Variants in ADGRG2 observed in about 807,000 individuals in gnomAD.
The protein encoded by ADGRG2 is G protein-coupled receptor 64.
ADGRG2 carries 26 observed loss-of-function variants against 74.1 expected under a neutral mutation model. The ratio of observed to expected loss-of-function variants is 0.35; its 90% CI spans 0.26 to 0.49. The LOEUF is 0.49. Ranked by LOEUF, ADGRG2 falls within the 20% of genes least tolerant of loss-of-function variation. ADGRG2 has a pLI of 0.99. For missense variants in ADGRG2, 619 were observed against 763.1 expected, an observed-to-expected ratio of 0.81 and a Z score of 2.22; for synonymous variants, 296 against 295.2, an observed-to-expected ratio of 1.00 and a Z score of -0.03.
chrX:19,058,723 T>C (rs1001696761), intron 3 of ADGRG2, among the ~76,000 whole-genome samples: 8 of 112,271 alleles, frequency 7.1e-5, no homozygotes, highest in African/African-American at 2.6e-4. Context: ...CTAACACACA[T>C]CACATCACAA....
intron 26 of ADGRG2, among the ~76,000 whole-genome samples, chrX:18,997,288 G>A (rs1403062461): frequency 9.0e-6 from 1 of 111,681 alleles, no homozygotes; most frequent in African/African-American, 3.3e-5. Flanking sequence ...AAAGCCCTGT[G>A]CATTAGGGTT....
At chrX:19,113,885 A>G (rs1171002275) in intron 1 of ADGRG2, among the ~76,000 whole-genome samples, 1 of 110,363 alleles carries the variant, frequency 9.1e-6, no homozygotes, top group East Asian at 2.8e-4. Flanking sequence ...CCTGGCCAGC[A>G]TGGCGCAACC....
intron 3 of ADGRG2, among the ~76,000 whole-genome samples, chrX:19,055,245 T>C (rs1322450288): frequency 1.0e-5 from 1 of 97,726 alleles, no homozygotes; most frequent in Non-Finnish European, 2.2e-5. Flanking sequence ...TCCCTTTGTG[T>C]GTGTGTGTGT....
intron 1 of ADGRG2, among the ~76,000 whole-genome samples, chrX:19,113,866 C>T (rs1464121649): frequency 3.6e-5 from 4 of 110,681 alleles, no homozygotes; most frequent in African/African-American, 9.9e-5. Context: ...GCCAGGAATT[C>T]GAGACCAACC....
At chrX:19,001,609 G>A (rs749900130) in intron 24 of ADGRG2, among the ~76,000 whole-genome samples, 2 of 111,806 alleles carry the variant, frequency 1.8e-5, no homozygotes, top group South Asian at 3.7e-4. Flanking sequence ...GACAGAATCC[G>A]TGCCCAGTAT....
chrX:19,094,817 G>A (rs912465203), intron 1 of ADGRG2, among the ~76,000 whole-genome samples: 8 of 112,700 alleles, frequency 7.1e-5, no homozygotes, highest in African/African-American at 1.3e-4. Context: ...GAGCCAGAAC[G>A]GGAAGCCTTG....
chrX:19,007,093 A>T, intron 20 of ADGRG2, 142 bp downstream of exon 20: 2 of 538,154 alleles, frequency 3.7e-6, no homozygotes, highest in South Asian at 2.9e-5. Context: ...CAATGGAGAG[A>T]TGTGATTCTA....
intron 6 of ADGRG2, among the ~76,000 whole-genome samples, chrX:19,036,747 T>C (rs1239990017): frequency 1.8e-5 from 2 of 111,122 alleles, no homozygotes; most frequent in African/African-American, 6.5e-5. Context: ...ATCTGTCCCT[T>C]CCCATTGGGC....
intron 8 of ADGRG2, 44 bp from the exon 9 acceptor site, chrX:19,031,081 C>T (rs752302998): frequency 1.5e-5 from 14 of 910,565 alleles, no homozygotes; most frequent in African/African-American, 7.8e-5. Flanking sequence ...TGTCAATGCC[C>T]GTGTTTATGT....
intron 1 of ADGRG2, among the ~76,000 whole-genome samples, chrX:19,084,227 TCACTTATAAGTGGAAGGTGACA>T (rs1433062994): frequency 9.3e-6 from 1 of 108,100 alleles, no homozygotes; most frequent in African/African-American, 3.4e-5. Context: ...CCACATATTC[TCACTTATAAGTGGAAGGTGACA>T]CACTTATAAG....
intron 8 of ADGRG2, 135 bp downstream of exon 8, chrX:19,033,478 C>T: frequency 2.4e-6 from 1 of 425,007 alleles, no homozygotes; most frequent in Non-Finnish European, 4.2e-6. Context: ...CCAGTGCATA[C>T]ACATCTGTTT....
chrX:18,995,550 G>A (rs1201314147), intron 27 of ADGRG2, among the ~76,000 whole-genome samples: 3 of 111,045 alleles, frequency 2.7e-5, no homozygotes, highest in African/African-American at 9.8e-5. Flanking sequence ...AAAAAAATGA[G>A]CTATTTGCTC....
rs761063758 is a variant in ADGRG2, at chrX:19,023,900, T to C, written c.510+9A>G. The stretch of plus-strand genomic sequence containing the variant: ...ATTATAAACAAGCTACAGGGTGCAC[T>C]ATGATTACCTCACTTAGGGTTTGCA... On this transcript the variant is annotated intron_variant, in intron 12 of 28. Coordinates refer to ENST00000379869, the MANE Select transcript of ADGRG2 (RefSeq NM_001079858.3). 20 of 1,162,901 alleles carry C rather than the reference T, an allele frequency of 1.7e-5. No individual in the cohort carries two copies. Among genetic ancestry groups the C allele is most frequent in the Non-Finnish European group, 2.0e-5 (17 of 851,049 alleles).
chrX:19,041,597 T>A (rs1303585149), intron 3 of ADGRG2, among the ~76,000 whole-genome samples: 1 of 111,833 alleles, frequency 8.9e-6, no homozygotes, highest in Non-Finnish European at 1.9e-5. Flanking sequence ...GATTGTTTTC[T>A]GGGATAATTA....
chrX:19,108,298 T>G (rs2062351737), intron 1 of ADGRG2, among the ~76,000 whole-genome samples: 1 of 110,730 alleles, frequency 9.0e-6, no homozygotes, highest in Admixed American at 9.7e-5. Context: ...GTCTCATCAT[T>G]GTCTATGGAT....
chrX:19,065,288 AAAG>A (rs1476934563), intron 3 of ADGRG2, among the ~76,000 whole-genome samples: 3 of 98,918 alleles, frequency 3.0e-5, no homozygotes, highest in African/African-American at 1.1e-4. Context: ...AAAAAAAAGT[AAAG>A]AAAAGAAAGA....
intron 3 of ADGRG2, among the ~76,000 whole-genome samples, chrX:19,058,571 T>C (rs1407159744): frequency 8.9e-6 from 1 of 111,976 alleles, no homozygotes; most frequent in Admixed American, 9.5e-5. Context: ...ATATCTTTGT[T>C]TATCTCTTCT....
At chrX:19,051,756 C>T (rs190718578) in intron 3 of ADGRG2, among the ~76,000 whole-genome samples, 18 of 111,400 alleles carry the variant, frequency 1.6e-4, no homozygotes, top group Non-Finnish European at 3.0e-4. Context: ...TAGTCCTCAG[C>T]TTCCACTGAG....
At chrX:19,060,169 G>A (rs2061466890) in intron 3 of ADGRG2, among the ~76,000 whole-genome samples, 1 of 111,731 alleles carries the variant, frequency 9.0e-6, no homozygotes, top group Non-Finnish European at 1.9e-5. Context: ...ATACTATGAA[G>A]AGACACTGGG....
Sources: gnomAD v4.1 joint callset for allele counts (sites outside exome capture counted in the v4.1 genomes callset) on GRCh38, gnomAD v4.1.1 for gene constraint, MANE v1.5 for transcripts, NCBI Gene and HGNC (gene_info 2026-07-23, HGNC 2026-07-21) for gene names.